The following PCDH15 variants were observed in gnomAD, a reference collection of about 807,000 sequenced individuals.
PCDH15 encodes protocadherin-15.
A neutral mutation model predicts 178.5 loss-of-function variants in PCDH15; 129 were observed. The observed-to-expected ratio is 0.72, with a 90% CI of 0.63 to 0.84. The LOEUF is 0.84. PCDH15 is among the 40% of genes least tolerant of loss of function. The pLI, the probability that PCDH15 is intolerant of heterozygous loss-of-function variation, is 0.00. For missense variants in PCDH15, 2,230 were observed against 2,099.9 expected, an observed-to-expected ratio of 1.06 and a Z score of -1.21; for synonymous variants, 800 against 732.0, an observed-to-expected ratio of 1.09 and a Z score of -1.50.
At chr10:53,979,312 T>G (rs2090435001) in intron 21 of PCDH15, among the ~76,000 whole-genome samples, 2 of 152,182 alleles carry the variant, frequency 1.3e-5, no homozygotes, top group South Asian at 2.1e-4. Context: ...GAAAAATCCC[T>G]TATAAAACCA....
chr10:55,530,760 T>C (rs1841434701), intron 2 of PCDH15, among the ~76,000 whole-genome samples: 2 of 152,022 alleles, frequency 1.3e-5, no homozygotes, highest in Non-Finnish European at 2.9e-5. Context: ...AAATTAATTA[T>C]TTTAAGCTAT....
In PCDH15 at chr10:54,827,442, C is replaced by T. The variant is rs200805674; in HGVS notation, c.-29+70008G>A. On this transcript the variant is annotated intron_variant, in intron 3 of 5. Coordinates refer to the PCDH15 transcript ENST00000458638. ...TCCATTGAAAAAATATTTTTATTAG[C>T]CTCCTGAGCCTTGGTCTTAAAAGTG... Among the ~76,000 whole-genome samples the T allele has an allele frequency of 4.6e-5, 7 of 152,132 alleles. No homozygotes were observed. In the East Asian group the frequency reaches 7.7e-4, roughly 17 times the overall value.
intron 8 of PCDH15, among the ~76,000 whole-genome samples, chr10:54,280,633 G>A (rs1043755927): frequency 1.3e-5 from 2 of 151,538 alleles, no homozygotes; most frequent in Non-Finnish European, 3.0e-5. Context: ...GCCTTTGTTC[G>A]TTTCATTCTT....
intron 32 of PCDH15, chr10:53,821,112 A>ATTTAT (rs1311491258): frequency 1.0e-6 from 1 of 979,762 alleles, no homozygotes; most frequent in African/African-American, 1.8e-5. Flanking sequence ...ACGACTCAAG[A>ATTTAT]TTTATTTTCA....
At chr10:54,149,641 ATTTAT>A (rs1188651732) in intron 14 of PCDH15, among the ~76,000 whole-genome samples, 2 of 152,138 alleles carry the variant, frequency 1.3e-5, no homozygotes, top group Non-Finnish European at 2.9e-5. Flanking sequence ...GCCCTTTTGA[ATTTAT>A]TTTAATGATT....
At chr10:55,289,159 C>G (rs1379142603) in intron 1 of PCDH15, among the ~76,000 whole-genome samples, 2 of 151,950 alleles carry the variant, frequency 1.3e-5, no homozygotes, top group South Asian at 2.1e-4. Flanking sequence ...AGAGAAGACA[C>G]CTCTGTATTT....
intron 2 of PCDH15, among the ~76,000 whole-genome samples, chr10:55,532,297 A>C (rs903382416): frequency 6.6e-6 from 1 of 152,042 alleles, no homozygotes; most frequent in African/African-American, 2.4e-5. Context: ...GCATAACCAG[A>C]TTTAAACCTT....
chr10:55,374,502 T>C (rs935324044), intron 2 of PCDH15, among the ~76,000 whole-genome samples: 2 of 152,054 alleles, frequency 1.3e-5, no homozygotes, highest in Non-Finnish European at 2.9e-5. Flanking sequence ...TGATAGGCAA[T>C]AGATATCACT....
At chr10:54,551,530 A>G (rs867341696) in intron 2 of PCDH15, among the ~76,000 whole-genome samples, 13 of 152,180 alleles carry the variant, frequency 8.5e-5, no homozygotes, top group African/African-American at 2.9e-4. Context: ...TTATAAAAAT[A>G]GCTACACAGA....
chr10:54,636,582 A>C (rs1386061208), intron 2 of PCDH15, among the ~76,000 whole-genome samples: 7 of 152,004 alleles, frequency 4.6e-5, no homozygotes, highest in Non-Finnish European at 8.8e-5. Context: ...GCCACATATA[A>C]TAGCAAATGA....
intron 9 of PCDH15, among the ~76,000 whole-genome samples, chr10:54,215,628 G>T (rs1219836711): frequency 8.5e-5 from 13 of 152,088 alleles, no homozygotes; most frequent in Non-Finnish European, 2.9e-5. Context: ...CCTAACTATG[G>T]CTCAAAGTCA....
In PCDH15 at chr10:55,076,369, T is replaced by C. The variant is rs115191868; in HGVS notation, c.-80+90207A>G. On this transcript the variant is annotated intron_variant, in intron 2 of 5. Transcript: ENST00000458638. The stretch of plus-strand genomic sequence containing the variant: ...GTTCTAGTAATATATAGTTTAGCTC[T>C]ATAAATCTGGGTTCTCCAATGTTGA... Among the ~76,000 whole-genome samples, 1,412 of 152,164 alleles carry C rather than the reference T, an allele frequency of 9.3e-3. 21 individuals carry two copies. The highest frequency in any genetic ancestry group is 0.03 in the African/African-American group (1,265 of 41,560).
intron 3 of PCDH15, among the ~76,000 whole-genome samples, chr10:54,868,040 T>C (rs950721593): frequency 6.6e-6 from 1 of 152,202 alleles, no homozygotes; most frequent in Non-Finnish European, 1.5e-5. Flanking sequence ...TATTTCACAA[T>C]GTACACTTAT....
At chr10:54,655,633 A>G (rs2094389565) in intron 2 of PCDH15, 1 of 152,144 alleles carries the variant, frequency 6.6e-6, no homozygotes, top group Admixed American at 6.5e-5. Flanking sequence ...GTAATCCTTC[A>G]AGGCATAAGG....
intron 8 of PCDH15, among the ~76,000 whole-genome samples, chr10:54,296,674 C>T (rs1375417535): frequency 6.6e-6 from 1 of 152,156 alleles, no homozygotes; most frequent in African/African-American, 2.4e-5. Flanking sequence ...AGGAGCCAGA[C>T]TATCTTATCT....
At chr10:55,266,287 G>C (rs561756378) in intron 1 of PCDH15, among the ~76,000 whole-genome samples, 1 of 152,112 alleles carries the variant, frequency 6.6e-6, no homozygotes, top group East Asian at 1.9e-4. Context: ...CTGTTTGCTA[G>C]AAACCCTTAG....
chr10:54,834,567 G>T (rs1015219646), intron 3 of PCDH15, among the ~76,000 whole-genome samples: 3 of 150,874 alleles, frequency 2.0e-5, no homozygotes, highest in African/African-American at 7.3e-5. Context: ...AACAGAATAA[G>T]AAAGAAAGAG....
intron 15 of PCDH15, among the ~76,000 whole-genome samples, chr10:54,109,660 A>G (rs1297194856): frequency 1.3e-5 from 2 of 152,212 alleles, no homozygotes; most frequent in Non-Finnish European, 2.9e-5. Flanking sequence ...TCATGAAGAT[A>G]GAGAGTAGAG....
intron 3 of PCDH15, among the ~76,000 whole-genome samples, chr10:54,508,793 T>C (rs1441364646): frequency 6.6e-6 from 1 of 152,070 alleles, no homozygotes; most frequent in Non-Finnish European, 1.5e-5. Context: ...GGTTCAAAAA[T>C]AGCTGGTACA....
Sources: gnomAD v4.1 joint callset for allele counts (sites outside exome capture counted in the v4.1 genomes callset) on GRCh38, gnomAD v4.1.1 for gene constraint, MANE v1.5 for transcripts, NCBI Gene and HGNC (gene_info 2026-07-23, HGNC 2026-07-21) for gene names.